The following JUP variants were observed in gnomAD, a reference collection of about 807,000 sequenced individuals.
JUP encodes junction plakoglobin.
JUP carries 28 observed loss-of-function variants against 71.1 expected under a neutral mutation model. The observed-to-expected ratio is 0.39, with a 90% confidence interval of 0.29 to 0.54. JUP has a LOEUF of 0.54. JUP is among the 20% of genes least tolerant of loss of function. The pLI, the probability that JUP is intolerant of heterozygous loss-of-function variation, is 0.62. For synonymous variants in JUP, 401 were observed against 438.9 expected, an observed-to-expected ratio of 0.91 and a Z score of 1.08; for missense variants, 869 against 1,030.1, an observed-to-expected ratio of 0.84 and a Z score of 2.14.
chr17:41,776,033 A>C (rs1253426631), intron 1 of JUP: 5 of 982,350 alleles, frequency 5.1e-6, no homozygotes, highest in Non-Finnish European at 6.0e-6. Context: ...CAATGGGCAC[A>C]TCTAGGCTGG....
Position 41,762,212 on chromosome 17 carries a change from ATTGT to A in JUP, c.1497+767_1497+770del, listed in dbSNP as rs1400807007. ...GTGTGTGTGTGTGTGTGTGTTTTAG[ATTGT>A]TTATTTGTTTGGGCTTTTTTTTTTT... On this transcript the variant is annotated intron_variant, in intron 8 of 13. Coordinates refer to ENST00000393931, the MANE Select transcript of JUP (RefSeq NM_002230.4). 3.2e-5 allele frequency among the ~76,000 whole-genome samples: 4 copies of A among 124,366 alleles called. No homozygotes were observed. The East Asian group carries it at 6.7e-4, about 21-fold the overall frequency. The allele number at this position is 124,366 out of a possible 152,430, so 81.6% of individuals were successfully genotyped here. A position where few individuals can be genotyped will look rare whatever the true frequency, so the allele number is the denominator to read the frequency against.
chr17:41,763,298 C>A lies in JUP; in HGVS notation c.1182G>T (p.Lys394Asn). Residue 394 changes from lysine to asparagine, a missense_variant, in exon 8 of 14, where the codon AAG becomes AAT. Lys to Asn is a moderately conservative substitution (Grantham distance 94, BLOSUM62 0). Transcript: ENST00000393931. Reference protein sequence around the residue: ...TKQEGLESVLKILVNQLSVDD... With the variant: ...TKQEGLESVLNILVNQLSVDD... The stretch of plus-strand genomic sequence containing the variant: ...CCACACTCAGCTGATTCACCAGAAT[C>A]TTCAGCACACTCTCCAGGCCCTCCT... 1 of 1,614,150 alleles carries A rather than the reference C, an allele frequency of 6.2e-7. No homozygotes were observed. The highest frequency in any genetic ancestry group is 8.5e-7 in the Non-Finnish European group (1 of 1,180,020).
chr17:41,771,175 G>C (rs1555606719), intron 2 of JUP, among the ~76,000 whole-genome samples: 1 of 152,166 alleles, frequency 6.6e-6, no homozygotes, highest in African/African-American at 2.4e-5. Flanking sequence ...GACTACAGGT[G>C]CATGCGCCAC....
In JUP at chr17:41,765,003, T is replaced by A. The variant is rs1915478232; in HGVS notation, c.974A>T (p.Glu325Val). The A allele has an allele frequency of 6.2e-7, 1 of 1,613,974 alleles. No individual in the cohort carries two copies. Among genetic ancestry groups the A allele is most frequent in the South Asian group, 1.1e-5 (1 of 91,082 alleles). The change falls in exon 6 of 14, where the codon GAA (glutamate) becomes GTA (valine). Residue 325 changes from glutamate to valine, a missense_variant. Coordinates refer to ENST00000393931, the MANE Select transcript of JUP (RefSeq NM_002230.4). ...ACGACTGGTGGTCCAGAGCAGCTTT[T>A]CATAACTGTAGTTACGCATGATCTG... ...LVQIMRNYSY[E>V]KLLWTTSRVL...
intron 1 of JUP, among the ~76,000 whole-genome samples, chr17:41,783,294 GTTT>G (rs34800389): frequency 1.2e-4 from 13 of 106,930 alleles, no homozygotes; most frequent in East Asian, 2.8e-4. Flanking sequence ...CGTTTTTTTT[GTTT>G]TTTTTTTTTT....
At chr17:41,774,764 G>A (rs1383860641) in intron 1 of JUP, among the ~76,000 whole-genome samples, 5 of 152,134 alleles carry the variant, frequency 3.3e-5, no homozygotes, top group African/African-American at 4.8e-5. Context: ...GGGGAGGAGG[G>A]GACCAAGGTG....
At position 41,764,853 on chromosome 17, in the gene JUP, G is replaced by A. The variant is rs782378989; in HGVS notation, c.1055-37C>T. 7 of 1,611,306 alleles carry A rather than the reference G, an allele frequency of 4.3e-6. No homozygotes were observed. In the East Asian group the frequency reaches 1.6e-4, roughly 36 times the overall value. On this transcript the variant is annotated intron_variant, in intron 6 of 13. Coordinates refer to ENST00000393931, the MANE Select transcript of JUP (RefSeq NM_002230.4). Reference sequence around the variant, plus strand: ...ATAGGGGTGCCATCAGCCACGGGGAGCATGGCTGACTGAGCCTGGCAGCTG... The same window carrying A: ...ATAGGGGTGCCATCAGCCACGGGGAACATGGCTGACTGAGCCTGGCAGCTG...
At position 41,763,057 on chromosome 17, in the gene JUP, A is replaced by G; in HGVS notation, c.1423T>C (p.Ser475Pro). ...GGGATGCCATAGTTGAGACGCACAGAGTTCTGGGCCATCTCGGCCTCAGGG... is the reference window on the plus strand; with the variant it reads ...GGGATGCCATAGTTGAGACGCACAGGGTTCTGGGCCATCTCGGCCTCAGGG... ...RHPEAEMAQNSVRLNYGIPAI... is the reference protein window; with the variant it reads ...RHPEAEMAQNPVRLNYGIPAI... The change falls in exon 8 of 14, where the codon TCT (serine) becomes CCT (proline). Residue 475 changes from serine (S) to proline (P), a missense_variant. By Grantham distance (74) the Ser-to-Pro change is moderately conservative (BLOSUM62 -1). Coordinates refer to ENST00000393931, the MANE Select transcript of JUP (RefSeq NM_002230.4). The G allele has an allele frequency of 1.2e-6, 2 of 1,614,008 alleles. No individual in the cohort carries two copies. Among genetic ancestry groups the G allele is most frequent in the Non-Finnish European group, 8.5e-7 (1 of 1,179,882 alleles).
chr17:41,771,544 C>G, intron 2 of JUP, 103 bp downstream of exon 2: 2 of 1,090,070 alleles, frequency 1.8e-6, no homozygotes, highest in Non-Finnish European at 2.8e-6. Context: ...TGCCTCCTCC[C>G]TCAGACCAGA....
chr17:41,771,269 T>C (rs958357366), intron 2 of JUP: 1 of 283,444 alleles, frequency 3.5e-6, no homozygotes, highest in African/African-American at 2.2e-5. Flanking sequence ...TGACCTCAGG[T>C]GATCTGCCCA....
At chr17:41,771,180 C>T (rs1383534969) in intron 2 of JUP, among the ~76,000 whole-genome samples, 1 of 152,136 alleles carries the variant, frequency 6.6e-6, no homozygotes, top group Admixed American at 6.5e-5. Context: ...CAGGTGCATG[C>T]GCCACCACAC....
At chr17:41,778,766 C>A (rs546031814) in intron 1 of JUP, among the ~76,000 whole-genome samples, 1 of 151,570 alleles carries the variant, frequency 6.6e-6, no homozygotes, top group African/African-American at 2.4e-5. Context: ...AAAAAATTAG[C>A]CGGGCGTGTT....
At chr17:41,760,369 C>G (rs1183679999) in intron 8 of JUP, among the ~76,000 whole-genome samples, 2 of 151,120 alleles carry the variant, frequency 1.3e-5, no homozygotes, top group African/African-American at 2.4e-5. Flanking sequence ...CATTCTCCTG[C>G]CTCAGCCTCC....
intron 4 of JUP, 22 bp downstream of exon 4, chr17:41,768,947 T>C (rs1555605058): frequency 2.6e-6 from 4 of 1,561,258 alleles, no homozygotes; most frequent in Non-Finnish European, 3.5e-6. Context: ...CCTGGGCTCA[T>C]GCAGTGAGCA....
At chr17:41,760,757 T>TA in intron 8 of JUP, among the ~76,000 whole-genome samples, 1 of 151,980 alleles carries the variant, frequency 6.6e-6, no homozygotes. Flanking sequence ...GGCGGGGACT[T>TA]ACTATGTTGG....
In JUP at chr17:41,769,225, G is replaced by A; in HGVS notation, c.469-18C>T. On this transcript the variant is annotated intron_variant, in intron 3 of 13. Coordinates refer to ENST00000393931, the MANE Select transcript of JUP (RefSeq NM_002230.4). ...ACCACCACCTGGAGGGCAAAGGCAG[G>A]GGCGGGGACGTGAGCACTAAGGAGA... 2 of 1,596,750 alleles carry A rather than the reference G, an allele frequency of 1.3e-6. No homozygotes were observed. Among genetic ancestry groups the A allele is most frequent in the Non-Finnish European group, 1.7e-6 (2 of 1,177,524 alleles).
At chr17:41,783,181 G>A (rs1007103178) in intron 1 of JUP, among the ~76,000 whole-genome samples, 4 of 151,910 alleles carry the variant, frequency 2.6e-5, no homozygotes, top group Admixed American at 6.6e-5. Context: ...GGACCCAAAC[G>A]TCAGTCTTGG....
rs781805854 is a variant in JUP, at chr17:41,767,526, G to C, written c.762C>G (p.Leu254=). 6.2e-7 allele frequency: 1 copy of C among 1,611,026 alleles called. No homozygotes were observed. The highest frequency in any genetic ancestry group is 8.5e-7 in the Non-Finnish European group (1 of 1,178,242). ...FYAITTLHNL[L]LYQEGAKMAV... is the part of the protein sequence containing the mutation. The stretch of plus-strand genomic sequence containing the variant: ...CCATCTTGGCGCCCTCCTGGTACAG[G>C]AGCAGGTTGTGCAGCGTGGTGATGG... The change falls in exon 5 of 14, where the codon CTC becomes CTG. Residue 254 remains leucine, a synonymous_variant. Transcript: ENST00000393931.
rs373101758 is a variant in JUP, at chr17:41,768,962, T to C, written c.707+7A>G. The C allele has an allele frequency of 8.1e-6, 13 of 1,597,596 alleles. No individual in the cohort carries two copies. The highest frequency in any genetic ancestry group is 9.4e-6 in the Non-Finnish European group (11 of 1,171,918). On this transcript the variant is annotated splice_region_variant and intron_variant, in intron 4 of 13. Coordinates refer to ENST00000393931, the MANE Select transcript of JUP (RefSeq NM_002230.4). ...CCTGGGCTCATGCAGTGAGCAGGGT[T>C]GGGTACCTGAGCATGCGGACCAGAG...
Sources: gnomAD v4.1 joint callset for allele counts (sites outside exome capture counted in the v4.1 genomes callset) on GRCh38, gnomAD v4.1.1 for gene constraint, MANE v1.5 for transcripts, NCBI Gene and HGNC (gene_info 2026-07-23, HGNC 2026-07-21) for gene names.